SERINC5: variants seen among roughly 807,000 people sequenced by gnomAD.
SERINC5 encodes the protein chromosome 5 open reading frame 12.
Under a neutral mutation model 63.1 loss-of-function variants are expected in SERINC5, and 41 were observed. The ratio of observed to expected loss-of-function variants is 0.65; its 90% CI spans 0.51 to 0.84. SERINC5 has a LOEUF of 0.84. Ranked by LOEUF, SERINC5 falls within the 40% of genes least tolerant of loss-of-function variation. The pLI, the probability that SERINC5 is intolerant of heterozygous loss-of-function variation, is 0.00. For missense variants in SERINC5, 523 were observed against 573.0 expected (o/e 0.91, Z 0.89); for synonymous variants, 222 against 215.2 (o/e 1.03, Z -0.28).
intron 1 of SERINC5, among the ~76,000 whole-genome samples, chr5:80,230,440 T>A (rs1229576240): frequency 4.6e-5 from 1 of 21,698 alleles, no homozygotes; most frequent in Non-Finnish European, 7.6e-5. Context: ...AGAGCAAGAC[T>A]GTCACAAAAA....
intron 5 of SERINC5, among the ~76,000 whole-genome samples, chr5:80,174,346 G>A (rs1443389259): frequency 1.5e-5 from 2 of 135,950 alleles, no homozygotes; most frequent in Non-Finnish European, 3.1e-5. Flanking sequence ...CGGCCTGAAT[G>A]ACAAAGTGGG....
intron 5 of SERINC5, among the ~76,000 whole-genome samples, chr5:80,174,407 G>A (rs55701904): frequency 1.5e-4 from 13 of 85,558 alleles, no homozygotes; most frequent in Admixed American, 2.2e-4. Flanking sequence ...AATAATAAAA[G>A]AAAAAGAAAA....
At chr5:80,183,883 C>A (rs916018854) in intron 2 of SERINC5, among the ~76,000 whole-genome samples, 3 of 151,490 alleles carry the variant, frequency 2.0e-5, no homozygotes. Context: ...GTGGTCTCTT[C>A]ACACCGACGC....
At chr5:80,192,515 GGA>G (rs1054090789) in intron 2 of SERINC5, among the ~76,000 whole-genome samples, 1 of 152,054 alleles carries the variant, frequency 6.6e-6, no homozygotes, top group South Asian at 2.1e-4. Flanking sequence ...GGGAAGGAAT[GGA>G]GAGAGAATGT....
At chr5:80,124,048 T>C (rs1744648311) in intron 11 of SERINC5, among the ~76,000 whole-genome samples, 1 of 152,138 alleles carries the variant, frequency 6.6e-6, no homozygotes, top group African/African-American at 2.4e-5. Flanking sequence ...ATGGCCAGAC[T>C]AGATATCAAA....
chr5:80,239,464 ATTC>A (rs1199484479), intron 1 of SERINC5, among the ~76,000 whole-genome samples: 1 of 130,572 alleles, frequency 7.7e-6, no homozygotes, highest in African/African-American at 3.0e-5. Flanking sequence ...GAACACTGGG[ATTC>A]TTTTTTTTTT....
At chr5:80,118,406 T>C (rs566715136) in intron 11 of SERINC5, among the ~76,000 whole-genome samples, 3 of 152,204 alleles carry the variant, frequency 2.0e-5, no homozygotes, top group African/African-American at 7.2e-5. Flanking sequence ...CAACAAACAT[T>C]TATTTCTCAC....
chr5:80,229,304 G>T (rs1210214851), intron 1 of SERINC5, among the ~76,000 whole-genome samples: 2 of 150,872 alleles, frequency 1.3e-5, no homozygotes, highest in Admixed American at 1.3e-4. Context: ...GATCACAGGG[G>T]TGAGCCACCA....
At chr5:80,118,712 T>C (rs1255567261) in intron 11 of SERINC5, among the ~76,000 whole-genome samples, 1 of 114,000 alleles carries the variant, frequency 8.8e-6, no homozygotes, top group Non-Finnish European at 1.8e-5. Context: ...CATGTCCAGC[T>C]AATTTTTTTT....
intron 11 of SERINC5, among the ~76,000 whole-genome samples, chr5:80,120,853 C>T (rs1056132404): frequency 4.6e-5 from 7 of 152,110 alleles, no homozygotes; most frequent in African/African-American, 1.7e-4. Context: ...AAAGAAATAC[C>T]TGAGACTTTA....
intron 1 of SERINC5, among the ~76,000 whole-genome samples, chr5:80,220,301 A>G (rs1007926147): frequency 6.6e-6 from 1 of 152,114 alleles, no homozygotes; most frequent in Non-Finnish European, 1.5e-5. Flanking sequence ...TTTTAAAATT[A>G]CAAGGCAGAA....
At chr5:80,179,106 C>A (rs1387725212) in intron 2 of SERINC5, among the ~76,000 whole-genome samples, 1 of 151,988 alleles carries the variant, frequency 6.6e-6, no homozygotes, top group African/African-American at 2.4e-5. Context: ...TTGAGACCAG[C>A]CTGGCCAACA....
intron 3 of SERINC5, 60 bp downstream of exon 3, chr5:80,177,826 G>C (rs1748134047): frequency 7.6e-7 from 1 of 1,324,312 alleles, no homozygotes; most frequent in Non-Finnish European, 1.0e-6. Context: ...TGGGATCCTG[G>C]ACTACTGTCC....
In SERINC5 at chr5:80,112,803, A is replaced by G. The variant is rs917206831; in HGVS notation, c.*29+769T>C. On this transcript the variant is annotated intron_variant, in intron 12 of 12. Transcript: ENST00000509193. ...TTCTAAAAAATAAATAAATAAATAA[A>G]AATTGTTTTAATTAGCTGGGCATGG... is the stretch of plus-strand genomic sequence containing the variant. 9.9e-5 allele frequency among the ~76,000 whole-genome samples: 15 copies of G among 152,090 alleles called. No homozygotes were observed. In the East Asian group the frequency reaches 2.7e-3, roughly 27 times the overall value.
intron 7 of SERINC5, among the ~76,000 whole-genome samples, chr5:80,165,100 CCAGT>C (rs1437637274): frequency 1.3e-5 from 2 of 151,162 alleles, no homozygotes; most frequent in African/African-American, 2.4e-5. Context: ...AATAAAAATC[CCAGT>C]AAGTTAAAGC....
chr5:80,215,561 T>C (rs1046178758), intron 1 of SERINC5, among the ~76,000 whole-genome samples: 7 of 152,210 alleles, frequency 4.6e-5, no homozygotes, highest in Non-Finnish European at 8.8e-5. Flanking sequence ...ATAGTTCCTT[T>C]ATCTGGGTTT....
intron 1 of SERINC5, among the ~76,000 whole-genome samples, chr5:80,249,269 C>A (rs1019995143): frequency 7.3e-5 from 11 of 151,140 alleles, no homozygotes; most frequent in African/African-American, 2.4e-4. Flanking sequence ...GAGCCGAGAT[C>A]GCACCACTGC....
intron 1 of SERINC5, among the ~76,000 whole-genome samples, chr5:80,254,838 C>CA (rs1262564044): frequency 6.6e-6 from 1 of 152,150 alleles, no homozygotes; most frequent in Non-Finnish European, 1.5e-5. Flanking sequence ...TCCACGTGGC[C>CA]ACTCTAAACA....
intron 11 of SERINC5, among the ~76,000 whole-genome samples, chr5:80,121,207 T>C (rs1744531465): frequency 1.3e-5 from 2 of 152,160 alleles, no homozygotes; most frequent in Admixed American, 6.5e-5. Flanking sequence ...TTTGTTTGTT[T>C]GTCTGTTTTT....
Sources: allele counts gnomAD v4.1 joint callset (sites outside exome capture counted in the v4.1 genomes callset), GRCh38; gene constraint gnomAD v4.1.1; transcripts MANE v1.5; gene names NCBI Gene and HGNC (gene_info 2026-07-23, HGNC 2026-07-21).